The following CFAP61 variants were observed in gnomAD, a reference collection of about 807,000 sequenced individuals.
The protein encoded by CFAP61 is cilia and flagella associated protein 61.
A neutral mutation model predicts 135.6 loss-of-function variants in CFAP61; 107 were observed. The ratio of observed to expected loss-of-function variants is 0.79; its 90% CI spans 0.67 to 0.93. CFAP61 has a LOEUF of 0.93. CFAP61 is among the 40% of genes least tolerant of loss of function. The probability of loss-of-function intolerance (pLI) is 0.00; values close to 1 mark genes in which losing one functional copy is unlikely to be tolerated. For missense variants in CFAP61, 1,507 were observed against 1,556.2 expected (o/e 0.97, Z 0.53); for synonymous variants, 575 against 578.5 (o/e 0.99, Z 0.09).
chr20:20,349,802 T>C (rs914587134), intron 26 of CFAP61, among the ~76,000 whole-genome samples: 1 of 152,222 alleles, frequency 6.6e-6, no homozygotes, highest in African/African-American at 2.4e-5. Flanking sequence ...CTTTATATTG[T>C]TAGGATGGCA....
At chr20:20,345,513 T>G (rs2058595700) in intron 26 of CFAP61, among the ~76,000 whole-genome samples, 1 of 152,240 alleles carries the variant, frequency 6.6e-6, no homozygotes, top group African/African-American at 2.4e-5. Flanking sequence ...TATCATATCC[T>G]AGAGCTTGGT....
At chr20:20,112,012 A>T (rs1400197312) in intron 8 of CFAP61, among the ~76,000 whole-genome samples, 1 of 152,202 alleles carries the variant, frequency 6.6e-6, no homozygotes, top group African/African-American at 2.4e-5. Flanking sequence ...TTCCTTTTCC[A>T]TGGGTTTCCT....
In CFAP61 at chr20:20,287,513, TG is replaced by T. The variant is rs796964967; in HGVS notation, c.2797-1095del. Among the ~76,000 whole-genome samples the T allele has an allele frequency of 1.2e-4, 19 of 152,356 alleles. No individual in the cohort carries two copies. In the East Asian group the frequency reaches 2.3e-3, roughly 19 times the overall value. ...AGATGTAAATATTTATAGCCTTGTA[TG>T]ACTAGTGGCTACCACAGAATCAGAA... is the stretch of plus-strand genomic sequence containing the variant. On this transcript the variant is annotated intron_variant, in intron 22 of 26. Transcript: ENST00000245957.
intron 8 of CFAP61, among the ~76,000 whole-genome samples, chr20:20,113,864 T>C (rs1246295582): frequency 1.3e-5 from 2 of 151,756 alleles, no homozygotes. Flanking sequence ...CATAGACTTA[T>C]GATAAATCTT....
rs1156948994 is a variant in CFAP61 at position 20,226,323 on chromosome 20, C to T, written c.1933-1926C>T. 2.6e-5 allele frequency: 4 copies of T among 152,248 alleles called. No homozygotes were observed. In the South Asian group the frequency reaches 8.3e-4, roughly 31 times the overall value. The allele number at this position is 152,248 out of a possible 1,614,324, so 9.4% of individuals were successfully genotyped here. ...TTGCCGTGAGAAGAACATGCTCTGGCTCTCTTGCATCAAATAAGAGAAATG... is the reference window on the plus strand; with the variant it reads ...TTGCCGTGAGAAGAACATGCTCTGGTTCTCTTGCATCAAATAAGAGAAATG... On this transcript the variant is annotated intron_variant, in intron 17 of 26. Transcript: ENST00000245957.
At chr20:20,177,530 TC>T (rs1215252072) in intron 13 of CFAP61, among the ~76,000 whole-genome samples, 1 of 25,116 alleles carries the variant, frequency 4.0e-5, no homozygotes, top group African/African-American at 1.8e-4. Flanking sequence ...CTGGCTGATG[TC>T]TTGTTTTCCT....
intron 17 of CFAP61, among the ~76,000 whole-genome samples, chr20:20,219,128 A>G (rs1304773055): frequency 6.6e-6 from 1 of 152,162 alleles, no homozygotes; most frequent in Non-Finnish European, 1.5e-5. Flanking sequence ...CCAATCCACT[A>G]CTTGTTCATT....
intron 6 of CFAP61, 129 bp from the exon 7 acceptor site, chr20:20,090,715 A>C: frequency 1.4e-6 from 1 of 698,898 alleles, no homozygotes; most frequent in Non-Finnish European, 2.3e-6. Flanking sequence ...AAAAAAAAGA[A>C]GGAAAGTTGA....
At chr20:20,055,994 G>A (rs781267881) in intron 1 of CFAP61, 6 of 1,609,820 alleles carry the variant, frequency 3.7e-6, no homozygotes, top group Non-Finnish European at 5.1e-6. Flanking sequence ...GGAACGTTAG[G>A]TTCTCCACTG....
intron 9 of CFAP61, 66 bp from the exon 10 acceptor site, chr20:20,159,304 A>G: frequency 2.2e-6 from 3 of 1,362,514 alleles, no homozygotes; most frequent in East Asian, 2.3e-5. Flanking sequence ...AGTTTGCTCC[A>G]GAGCTTGGAC....
intron 17 of CFAP61, among the ~76,000 whole-genome samples, chr20:20,203,134 G>A (rs527751220): frequency 1.3e-5 from 2 of 152,106 alleles, no homozygotes; most frequent in South Asian, 2.1e-4. Context: ...CACCTTCCCC[G>A]TCGTTTCTAT....
intron 13 of CFAP61, chr20:20,172,137 A>T (rs1038767189): frequency 5.8e-6 from 5 of 855,928 alleles, no homozygotes; most frequent in Non-Finnish European, 7.2e-6. Flanking sequence ...AGGAAAAAGG[A>T]TACTATGGGA....
intron 16 of CFAP61, 158 bp from the exon 17 acceptor site, chr20:20,199,610 C>A (rs1158080314): frequency 4.5e-6 from 1 of 220,882 alleles, no homozygotes; most frequent in Non-Finnish European, 7.6e-6. Flanking sequence ...ACAATTCATT[C>A]CTCTGCTCGA....
rs951199415 is a variant in CFAP61 at position 20,236,399 on chromosome 20, T to C, written c.2060+8023T>C. Among the ~76,000 whole-genome samples, 34 of 152,194 alleles carry C rather than the reference T, an allele frequency of 2.2e-4. 1 individual carries two copies. The highest frequency in any genetic ancestry group is 1.2e-4 in the African/African-American group (5 of 41,444). On this transcript the variant is annotated intron_variant, in intron 18 of 26. Coordinates refer to ENST00000245957, the MANE Select transcript of CFAP61 (RefSeq NM_015585.4). ...CAGTCTCATCTATAAGGAAACCTATTTCCCCCTGTAATTGCTCATTGTAAC... is the reference window on the plus strand; with the variant it reads ...CAGTCTCATCTATAAGGAAACCTATCTCCCCCTGTAATTGCTCATTGTAAC...
intron 14 of CFAP61, among the ~76,000 whole-genome samples, chr20:20,189,031 G>A (rs4814959): frequency 0.47 from 72,040 of 151,968 alleles, 17,293 homozygotes; most frequent in Middle Eastern, 0.61. Flanking sequence ...TATAGCATGA[G>A]GTATTTCATG....
intron 15 of CFAP61, among the ~76,000 whole-genome samples, chr20:20,194,860 A>T (rs1320589907): frequency 1.3e-5 from 2 of 152,104 alleles, no homozygotes; most frequent in Non-Finnish European, 2.9e-5. Context: ...GTCCTCCATT[A>T]TGCTCTCATT....
intron 2 of CFAP61, among the ~76,000 whole-genome samples, 164 bp from the exon 3 acceptor site, chr20:20,070,690 G>A (rs1366253980): frequency 1.3e-5 from 2 of 152,148 alleles, no homozygotes; most frequent in Admixed American, 6.5e-5. Context: ...TGTCCTGAAC[G>A]ATGTACCCCA....
intron 23 of CFAP61, among the ~76,000 whole-genome samples, chr20:20,289,726 C>T (rs1348936000): frequency 6.6e-6 from 1 of 152,178 alleles, no homozygotes; most frequent in Non-Finnish European, 1.5e-5. Context: ...CTGCTTCTCA[C>T]TCTGGGTGAG....
In CFAP61 at chr20:20,072,091, C is replaced by CTTT. The variant is rs71198039; in HGVS notation, c.294+1126_294+1128dup. Among the ~76,000 whole-genome samples the CTTT allele has an allele frequency of 5.9e-4, 34 of 57,636 alleles. 6 individuals are homozygous for CTTT. The highest frequency in any genetic ancestry group is 6.9e-4 in the South Asian group (1 of 1,452). The allele number at this position is 57,636 out of a possible 152,430, so 37.8% of individuals were successfully genotyped here. A position where few individuals can be genotyped will look rare whatever the true frequency, so the allele number is the denominator to read the frequency against. On this transcript the variant is annotated intron_variant, in intron 3 of 26. Coordinates refer to ENST00000245957, the MANE Select transcript of CFAP61 (RefSeq NM_015585.4). ...CCTATTTGGTATCTAATCTAGCAAT[C>CTTT]TTTTTTTTTTTTTTTTTTTTTTTTT...
Sources: allele counts gnomAD v4.1 joint callset (sites outside exome capture counted in the v4.1 genomes callset), GRCh38; gene constraint gnomAD v4.1.1; transcripts MANE v1.5; gene names NCBI Gene and HGNC (gene_info 2026-07-23, HGNC 2026-07-21).